The following KIAA1958 variants were observed in gnomAD, a reference collection of about 807,000 sequenced individuals.
The protein encoded by KIAA1958 is uncharacterized protein KIAA1958.
A neutral mutation model predicts 47.2 loss-of-function variants in KIAA1958; 14 were observed. The ratio of observed to expected loss-of-function variants is 0.30; its 90% CI spans 0.20 to 0.46. KIAA1958 has a LOEUF of 0.46. KIAA1958 is among the 20% of genes least tolerant of loss of function. The probability of loss-of-function intolerance (pLI) is 1.00; values close to 1 mark genes in which losing one functional copy is unlikely to be tolerated. For missense variants in KIAA1958, 803 were observed against 909.2 expected (o/e 0.88, Z 1.50); for synonymous variants, 354 against 353.3 (o/e 1.00, Z -0.02).
chr9:112,611,530 TAA>T (rs566361135), intron 2 of KIAA1958, among the ~76,000 whole-genome samples: 1 of 145,398 alleles, frequency 6.9e-6, no homozygotes. Flanking sequence ...CTTTAAGATT[TAA>T]AAAAAAAAAA....
chr9:112,496,837 C>T (rs1834058429), intron 1 of KIAA1958, among the ~76,000 whole-genome samples: 1 of 152,120 alleles, frequency 6.6e-6, no homozygotes, highest in African/African-American at 2.4e-5. Context: ...TCTTCTTTCC[C>T]AGCTCTTAGA....
chr9:112,646,331 G>A, intron 3 of KIAA1958, among the ~76,000 whole-genome samples: 1 of 152,176 alleles, frequency 6.6e-6, no homozygotes, highest in East Asian at 1.9e-4. Flanking sequence ...TTGCTAAGGA[G>A]AGACTTTATT....
chr9:112,562,380 A>G (rs900300993), intron 1 of KIAA1958, among the ~76,000 whole-genome samples: 4 of 152,202 alleles, frequency 2.6e-5, no homozygotes, highest in Non-Finnish European at 5.9e-5. Context: ...GGCCAGAACT[A>G]GGATTTAAAC....
chr9:112,556,286 G>A (rs1447885741), intron 1 of KIAA1958, among the ~76,000 whole-genome samples: 2 of 152,108 alleles, frequency 1.3e-5, no homozygotes, highest in African/African-American at 4.8e-5. Context: ...TCTCTACCAC[G>A]CCTCCATACC....
chr9:112,524,829 G>A (rs187053343), intron 1 of KIAA1958, among the ~76,000 whole-genome samples: 17 of 152,258 alleles, frequency 1.1e-4, no homozygotes, highest in African/African-American at 4.1e-4. Flanking sequence ...TGGAATCCTG[G>A]GGTTGCTGGT....
At chr9:112,501,691 A>G (rs1395466356) in intron 1 of KIAA1958, among the ~76,000 whole-genome samples, 1 of 152,214 alleles carries the variant, frequency 6.6e-6, no homozygotes, top group East Asian at 1.9e-4. Flanking sequence ...GAGGTCACAC[A>G]GCAGACTGCA....
intron 2 of KIAA1958, chr9:112,581,852 C>A: frequency 8.6e-6 from 2 of 232,220 alleles, no homozygotes; most frequent in South Asian, 1.4e-4. Context: ...TGAAGGGACT[C>A]ACTGGAAGCC....
chr9:112,503,616 C>CA (rs762669967), intron 1 of KIAA1958, among the ~76,000 whole-genome samples: 97,133 of 106,368 alleles, frequency 0.91, 44,369 homozygotes, highest in South Asian at 0.95. Context: ...GACCCTGTCT[C>CA]AAAAAAAAAA....
At chr9:112,493,122 C>G (rs1422253567) in intron 1 of KIAA1958, among the ~76,000 whole-genome samples, 1 of 150,708 alleles carries the variant, frequency 6.6e-6, no homozygotes, top group Non-Finnish European at 1.5e-5. Context: ...AGTGCTAATG[C>G]TGTTATTTTC....
At position 112,660,191 on chromosome 9, in the gene KIAA1958, C is replaced by T. The variant is rs2131255728; in HGVS notation, c.*122C>T. 1.4e-6 allele frequency: 1 copy of T among 735,890 alleles called. No homozygotes were observed. Among genetic ancestry groups the T allele is most frequent in the Non-Finnish European group, 2.2e-6 (1 of 447,548 alleles). The allele number at this position is 735,890 out of a possible 1,614,324, so 45.6% of individuals were successfully genotyped here. A position where few individuals can be genotyped will look rare whatever the true frequency, so the allele number is the denominator to read the frequency against. On this transcript the variant is annotated 3_prime_UTR_variant, in exon 4 of 4. Coordinates refer to ENST00000337530, the MANE Select transcript of KIAA1958 (RefSeq NM_133465.4). ...GACCTCCCGGTCTGGCGGCTCTCCC[C>T]TGGTGTGGCCTGCCCTCCCTTTGAC... is the stretch of plus-strand genomic sequence containing the variant.
chr9:112,537,116 C>CT (rs961947143), intron 1 of KIAA1958, among the ~76,000 whole-genome samples: 62 of 138,446 alleles, frequency 4.5e-4, no homozygotes, highest in South Asian at 2.9e-3. Flanking sequence ...TCTTTTCTTT[C>CT]TTTTTTTTTG....
chr9:112,563,682 C>A (rs983427496), intron 1 of KIAA1958, among the ~76,000 whole-genome samples: 2 of 151,802 alleles, frequency 1.3e-5, no homozygotes, highest in African/African-American at 4.9e-5. Flanking sequence ...ATCAGTTTTA[C>A]TTCTTTTGTT....
intron 1 of KIAA1958, among the ~76,000 whole-genome samples, chr9:112,505,712 C>G (rs1834223023): frequency 6.6e-6 from 1 of 152,162 alleles, no homozygotes; most frequent in South Asian, 2.1e-4. Flanking sequence ...TCATTTCATT[C>G]AGAGAAATAC....
chr9:112,542,332 T>C (rs1588009798), intron 1 of KIAA1958, among the ~76,000 whole-genome samples: 1 of 152,304 alleles, frequency 6.6e-6, no homozygotes, highest in Non-Finnish European at 1.5e-5. Context: ...ATATTCATGT[T>C]CATTAATTTT....
chr9:112,569,489 C>A (rs1233474029), intron 1 of KIAA1958, among the ~76,000 whole-genome samples: 1 of 152,220 alleles, frequency 6.6e-6, no homozygotes, highest in Non-Finnish European at 1.5e-5. Flanking sequence ...AGGCAAATGA[C>A]GCTTTTAACT....
intron 2 of KIAA1958, among the ~76,000 whole-genome samples, chr9:112,617,622 A>G (rs1836429335): frequency 6.6e-6 from 1 of 152,152 alleles, no homozygotes; most frequent in Admixed American, 6.6e-5. Flanking sequence ...GCACTAAACT[A>G]TGTGCCCGTG....
At chr9:112,567,906 A>C (rs7865317) in intron 1 of KIAA1958, among the ~76,000 whole-genome samples, 143,248 of 146,774 alleles carry the variant, frequency 0.98, 69,916 homozygotes, top group East Asian at 1. Flanking sequence ...TGCAGTGAGC[A>C]GAGATTGTGC....
intron 2 of KIAA1958, among the ~76,000 whole-genome samples, chr9:112,578,196 G>T (rs907244991): frequency 9.2e-5 from 14 of 152,046 alleles, no homozygotes; most frequent in Non-Finnish European, 2.1e-4. Flanking sequence ...TTTTACTTTA[G>T]TACCTAACTA....
chr9:112,535,127 G>T (rs1007590284), intron 1 of KIAA1958, among the ~76,000 whole-genome samples: 1 of 152,036 alleles, frequency 6.6e-6, no homozygotes. Context: ...AAATCTCTCG[G>T]CAGTTTTCAA....
Sources: allele counts gnomAD v4.1 joint callset (sites outside exome capture counted in the v4.1 genomes callset), GRCh38; gene constraint gnomAD v4.1.1; transcripts MANE v1.5; gene names NCBI Gene and HGNC (gene_info 2026-07-23, HGNC 2026-07-21).